FILIP1L: variants seen among roughly 807,000 people sequenced by gnomAD.
The protein encoded by FILIP1L is filamin A-interacting protein 1-like.
FILIP1L carries 55 observed loss-of-function variants against 96.6 expected under a neutral mutation model. The ratio of observed to expected loss-of-function variants is 0.57; its 90% CI spans 0.46 to 0.71. FILIP1L has a LOEUF of 0.71. FILIP1L is among the 30% of genes least tolerant of loss of function. The probability of loss-of-function intolerance (pLI) is 0.00; values close to 1 mark genes in which losing one functional copy is unlikely to be tolerated. For synonymous variants in FILIP1L, 467 were observed against 473.9 expected, an observed-to-expected ratio of 0.99 and a Z score of 0.19; for missense variants, 1,304 against 1,321.2, an observed-to-expected ratio of 0.99 and a Z score of 0.20.
chr3:99,955,170 G>T (rs1038061923), intron 1 of FILIP1L, among the ~76,000 whole-genome samples: 1 of 152,162 alleles, frequency 6.6e-6, no homozygotes, highest in African/African-American at 2.4e-5. Flanking sequence ...TAGCAATGGG[G>T]TGCTGTTTTT....
chr3:100,079,955 T>C (rs1357079298), intron 1 of FILIP1L, among the ~76,000 whole-genome samples: 1 of 152,158 alleles, frequency 6.6e-6, no homozygotes, highest in African/African-American at 2.4e-5. Flanking sequence ...ACAAAGGTTT[T>C]CATGGCATAT....
At chr3:100,045,595 C>G (rs1016547934) in intron 1 of FILIP1L, among the ~76,000 whole-genome samples, 1 of 152,022 alleles carries the variant, frequency 6.6e-6, no homozygotes, top group Non-Finnish European at 1.5e-5. Context: ...ACATTTGGAC[C>G]CAAATGATTT....
At chr3:99,832,362 C>G (rs1303970226) in intron 5 of FILIP1L, among the ~76,000 whole-genome samples, 1 of 151,128 alleles carries the variant, frequency 6.6e-6, no homozygotes, top group African/African-American at 2.4e-5. Context: ...TCCCCAGTAG[C>G]TGGGACCACA....
chr3:100,047,511 G>A (rs374963658), intron 1 of FILIP1L, among the ~76,000 whole-genome samples: 6 of 152,182 alleles, frequency 3.9e-5, no homozygotes, highest in South Asian at 2.1e-4. Context: ...TGAAACCAGC[G>A]AGGGTCATAA....
intron 4 of FILIP1L, among the ~76,000 whole-genome samples, chr3:99,890,498 T>A (rs531745717): frequency 6.6e-6 from 1 of 152,254 alleles, no homozygotes; most frequent in Admixed American, 6.5e-5. Flanking sequence ...TAGACACATG[T>A]TAGACTTTCT....
At chr3:99,867,745 T>C (rs1487830019) in intron 4 of FILIP1L, among the ~76,000 whole-genome samples, 2 of 152,174 alleles carry the variant, frequency 1.3e-5, no homozygotes, top group Non-Finnish European at 2.9e-5. Flanking sequence ...TTCTTTCCTA[T>C]ATAACACTGT....
At chr3:99,905,372 C>A (rs1350667440) in intron 4 of FILIP1L, among the ~76,000 whole-genome samples, 5 of 152,178 alleles carry the variant, frequency 3.3e-5, no homozygotes, top group Non-Finnish European at 7.3e-5. Context: ...AAGCCAAACT[C>A]TCTTGTCCTC....
intron 1 of FILIP1L, among the ~76,000 whole-genome samples, chr3:100,077,150 C>T (rs987804328): frequency 1.3e-5 from 2 of 152,196 alleles, no homozygotes; most frequent in East Asian, 3.8e-4. Context: ...GCTTGGATAG[C>T]TTGTACTTGA....
intron 4 of FILIP1L, among the ~76,000 whole-genome samples, chr3:99,874,098 T>G (rs911580083): frequency 6.6e-6 from 1 of 152,218 alleles, no homozygotes; most frequent in Non-Finnish European, 1.5e-5. Flanking sequence ...TGAACCATGC[T>G]TTAAAGTTAA....
chr3:100,002,047 C>T (rs1709857645), intron 1 of FILIP1L, among the ~76,000 whole-genome samples: 1 of 152,150 alleles, frequency 6.6e-6, no homozygotes, highest in Admixed American at 6.5e-5. Context: ...GCTGGTGATG[C>T]GTGTGTGACT....
intron 1 of FILIP1L, among the ~76,000 whole-genome samples, chr3:99,957,701 T>TTTTG: frequency 8.6e-6 from 1 of 116,448 alleles, no homozygotes; most frequent in Non-Finnish European, 1.7e-5. Flanking sequence ...TTCTTTTTTT[T>TTTTG]TTTTTTTTTT....
At chr3:99,992,692 T>C (rs1016998425) in intron 1 of FILIP1L, among the ~76,000 whole-genome samples, 2 of 152,002 alleles carry the variant, frequency 1.3e-5, no homozygotes, top group African/African-American at 4.8e-5. Flanking sequence ...GTCTAGTTTT[T>C]TTTTGGTTGC....
intron 4 of FILIP1L, among the ~76,000 whole-genome samples, chr3:99,864,563 C>G (rs552080238): frequency 1.3e-5 from 2 of 152,096 alleles, no homozygotes; most frequent in African/African-American, 2.4e-5. Context: ...TGCCGGAAAC[C>G]CCAGACAAAA....
At chr3:99,854,577 G>A (rs947867072) in intron 4 of FILIP1L, among the ~76,000 whole-genome samples, 2 of 152,086 alleles carry the variant, frequency 1.3e-5, no homozygotes, top group Non-Finnish European at 2.9e-5. Context: ...GATATTTGGG[G>A]CCAGATAATT....
rs200055653 is a variant in FILIP1L at position 100,102,144 on chromosome 3, G to C, written c.-11+11909C>G. Among the ~76,000 whole-genome samples, 9 of 152,138 alleles carry C rather than the reference G, an allele frequency of 5.9e-5. No homozygotes were observed. The East Asian group carries it at 1.5e-3, about 26-fold the overall frequency. On this transcript the variant is annotated intron_variant, in intron 1 of 5. Transcript: ENST00000477258. Reference sequence around the variant, plus strand: ...CCTTTGGGTATATACCCAGTAATGGGATTGCTGGGTCAAATGGTATTTCTA... The same window carrying C: ...CCTTTGGGTATATACCCAGTAATGGCATTGCTGGGTCAAATGGTATTTCTA...
At chr3:99,897,861 T>C (rs1706309185) in intron 4 of FILIP1L, among the ~76,000 whole-genome samples, 1 of 152,228 alleles carries the variant, frequency 6.6e-6, no homozygotes, top group Non-Finnish European at 1.5e-5. Context: ...TGCTGAAATA[T>C]ATGTGGTAAA....
chr3:99,967,537 T>C (rs1483802212), intron 1 of FILIP1L, among the ~76,000 whole-genome samples: 1 of 152,122 alleles, frequency 6.6e-6, no homozygotes, highest in Admixed American at 6.5e-5. Context: ...GCTCCTTGTT[T>C]TGTGAATTGA....
intron 1 of FILIP1L, 66 bp from the exon 2 acceptor site, chr3:99,931,096 C>A (rs757721173): frequency 2.3e-5 from 31 of 1,320,432 alleles, no homozygotes; most frequent in Non-Finnish European, 3.0e-5. Flanking sequence ...GTACCTATTA[C>A]TGCTTTAACA....
intron 4 of FILIP1L, among the ~76,000 whole-genome samples, chr3:99,923,418 A>G (rs1559689450): frequency 6.6e-6 from 1 of 152,196 alleles, no homozygotes. Context: ...AAAATCCTAC[A>G]ACACAGAAAA....
Sources: gnomAD v4.1 joint callset for allele counts (sites outside exome capture counted in the v4.1 genomes callset) on GRCh38, gnomAD v4.1.1 for gene constraint, MANE v1.5 for transcripts, NCBI Gene and HGNC (gene_info 2026-07-23, HGNC 2026-07-21) for gene names.